Variants in IGSF11 observed in about 807,000 individuals in gnomAD.
The protein encoded by IGSF11 is CXADR like 1.
Under a neutral mutation model 41.0 loss-of-function variants are expected in IGSF11, and 22 were observed. The observed-to-expected ratio is 0.54, with a 90% CI of 0.38 to 0.77. IGSF11 has a LOEUF of 0.77. IGSF11 is among the 30% of genes least tolerant of loss of function. The probability of loss-of-function intolerance (pLI) is 0.00; values close to 1 mark genes in which losing one functional copy is unlikely to be tolerated. For synonymous variants in IGSF11, 219 were observed against 201.3 expected, an observed-to-expected ratio of 1.09 and a Z score of -0.74; for missense variants, 444 against 530.8, an observed-to-expected ratio of 0.84 and a Z score of 1.61.
chr3:118,960,405 G>A (rs1945262867), intron 1 of IGSF11, among the ~76,000 whole-genome samples: 1 of 152,012 alleles, frequency 6.6e-6, no homozygotes, highest in Admixed American at 6.6e-5. Flanking sequence ...TAGGGAAAAG[G>A]GAAACTGATT....
intron 1 of IGSF11, among the ~76,000 whole-genome samples, chr3:118,972,500 A>G (rs914752278): frequency 2.6e-5 from 4 of 152,166 alleles, no homozygotes; most frequent in African/African-American, 9.7e-5. Flanking sequence ...TTTTTTCAGT[A>G]TATCAGAGAA....
At chr3:119,094,669 CTATT>C in intron 1 of IGSF11, among the ~76,000 whole-genome samples, 1 of 128,798 alleles carries the variant, frequency 7.8e-6, no homozygotes, top group Admixed American at 8.0e-5. Context: ...GAGAGCAACT[CTATT>C]TTTTTTTTTT....
At chr3:118,950,616 A>C (rs142291254) in intron 1 of IGSF11, among the ~76,000 whole-genome samples, 68 of 152,076 alleles carry the variant, frequency 4.5e-4, no homozygotes, top group African/African-American at 1.6e-3. Flanking sequence ...GCTATTAATA[A>C]TGTATCTATA....
intron 4 of IGSF11, among the ~76,000 whole-genome samples, chr3:118,914,205 G>A (rs372614943): frequency 6.6e-6 from 1 of 152,182 alleles, no homozygotes; most frequent in South Asian, 2.1e-4. Flanking sequence ...GATATGGGAA[G>A]AGGGGGCATA....
chr3:119,145,933 G>A (rs930342568), exon 1 of IGSF11: 12 of 435,808 alleles, frequency 2.8e-5, no homozygotes, highest in Non-Finnish European at 4.5e-5. Flanking sequence ...GTGAGGAGAA[G>A]CTGTAACTGC....
chr3:118,971,648 C>CA (rs1235522296), intron 1 of IGSF11, among the ~76,000 whole-genome samples: 1 of 151,734 alleles, frequency 6.6e-6, no homozygotes, highest in African/African-American at 2.4e-5. Context: ...ACTAAAAATA[C>CA]AAAAAATTAG....
At chr3:119,139,876 C>T (rs530404153) in intron 1 of IGSF11, among the ~76,000 whole-genome samples, 12 of 152,114 alleles carry the variant, frequency 7.9e-5, no homozygotes, top group South Asian at 2.1e-4. Context: ...AGAATGGTGA[C>T]GGGAACATAG....
chr3:119,024,503 C>T (rs192815500), intron 1 of IGSF11, among the ~76,000 whole-genome samples: 122 of 152,200 alleles, frequency 8.0e-4, no homozygotes, highest in Non-Finnish European at 1.5e-3. Flanking sequence ...TTAGAGACCA[C>T]CTGGCTTTGT....
intron 4 of IGSF11, among the ~76,000 whole-genome samples, chr3:118,911,094 G>A (rs567987985): frequency 6.6e-6 from 1 of 152,140 alleles, no homozygotes; most frequent in East Asian, 1.9e-4. Flanking sequence ...AGCAGTTGCA[G>A]AGTAAGGTGT....
chr3:119,022,135 A>G (rs1395531350), intron 1 of IGSF11, among the ~76,000 whole-genome samples: 1 of 152,210 alleles, frequency 6.6e-6, no homozygotes, highest in African/African-American at 2.4e-5. Flanking sequence ...TACAACATGA[A>G]TGAACCTTGA....
At chr3:118,988,569 G>A (rs1003937398) in intron 1 of IGSF11, among the ~76,000 whole-genome samples, 4 of 152,116 alleles carry the variant, frequency 2.6e-5, no homozygotes, top group South Asian at 2.1e-4. Flanking sequence ...ATTGATTAAC[G>A]ATCTTTGATT....
At chr3:119,118,558 CT>C (rs1357424463) in intron 1 of IGSF11, among the ~76,000 whole-genome samples, 1 of 152,240 alleles carries the variant, frequency 6.6e-6, no homozygotes. Context: ...ATGGGAGGGG[CT>C]GCCACAAAGG....
At chr3:119,056,732 T>C (rs1941851547) in intron 1 of IGSF11, among the ~76,000 whole-genome samples, 1 of 152,164 alleles carries the variant, frequency 6.6e-6, no homozygotes, top group African/African-American at 2.4e-5. Context: ...AATAAAATAC[T>C]GGCAAACCGA....
intron 1 of IGSF11, among the ~76,000 whole-genome samples, chr3:118,990,231 T>C (rs922651166): frequency 1.3e-5 from 2 of 152,098 alleles, no homozygotes; most frequent in African/African-American, 4.8e-5. Flanking sequence ...GTAGACAGAT[T>C]TGAAAGGGAG....
At chr3:119,047,021 G>A (rs1301167864) in intron 1 of IGSF11, among the ~76,000 whole-genome samples, 1 of 145,228 alleles carries the variant, frequency 6.9e-6, no homozygotes, top group Non-Finnish European at 1.5e-5. Context: ...AGGAACAACC[G>A]GTACCAGCCG....
intron 1 of IGSF11, among the ~76,000 whole-genome samples, chr3:119,019,320 G>A (rs556816961): frequency 1.3e-4 from 20 of 150,348 alleles, no homozygotes; most frequent in South Asian, 6.5e-4. Flanking sequence ...AAGAAACAGA[G>A]TCTATTTTCT....
chr3:119,090,334 A>G (rs2076743683), intron 1 of IGSF11, among the ~76,000 whole-genome samples: 2 of 152,226 alleles, frequency 1.3e-5, no homozygotes, highest in South Asian at 4.1e-4. Context: ...ATTTGAAGCT[A>G]TTCCTATCAA....
intron 1 of IGSF11, among the ~76,000 whole-genome samples, chr3:119,127,767 A>G (rs2077423307): frequency 6.6e-6 from 1 of 152,204 alleles, no homozygotes; most frequent in African/African-American, 2.4e-5. Flanking sequence ...CTTAAAGAAA[A>G]CAGTTTTCAA....
intron 1 of IGSF11, among the ~76,000 whole-genome samples, chr3:118,984,066 T>G (rs1229960810): frequency 6.6e-6 from 1 of 152,108 alleles, no homozygotes; most frequent in Admixed American, 6.6e-5. Flanking sequence ...TTCAGCCCCC[T>G]ACCCAGCTCT....
Sources: gnomAD v4.1 joint callset for allele counts (sites outside exome capture counted in the v4.1 genomes callset) on GRCh38, gnomAD v4.1.1 for gene constraint, MANE v1.5 for transcripts, NCBI Gene and HGNC (gene_info 2026-07-23, HGNC 2026-07-21) for gene names.